Variants in SH3BP4 observed in about 807,000 individuals in gnomAD.
SH3BP4 encodes SH3 domain binding protein 4, also known as SH3 domain-binding protein 4.
In SH3BP4, 33 loss-of-function variants were observed where a neutral mutation model predicts 65.5. The ratio of observed to expected loss-of-function variants is 0.50; its 90% CI spans 0.38 to 0.67. SH3BP4 has a LOEUF of 0.67. Ranked by LOEUF, SH3BP4 falls within the 30% of genes least tolerant of loss-of-function variation. The probability of loss-of-function intolerance (pLI) is 0.00; values close to 1 mark genes in which losing one functional copy is unlikely to be tolerated. For missense variants in SH3BP4, 1,134 were observed against 1,261.4 expected, an observed-to-expected ratio of 0.90 and a Z score of 1.53; for synonymous variants, 552 against 545.5, an observed-to-expected ratio of 1.01 and a Z score of -0.17.
chr2:235,034,523 T>C lies in SH3BP4; in HGVS notation c.-132-348T>C, dbSNP rs3754864. Among the ~76,000 whole-genome samples, 51,549 of 152,130 alleles carry C rather than the reference T, an allele frequency of 0.34. 9,298 individuals carry two copies. The highest frequency in any genetic ancestry group is 0.48 in the Admixed American group (7,295 of 15,294). ...GAGCCCTGCAGCTAGCAGCATGAAC[T>C]GTACAGTCCTGCGCTGTCCTCCTCT... On this transcript the variant is annotated intron_variant, in intron 2 of 5. Transcript: ENST00000392011. This position sits in a 1 kb window ranked among gnomAD's most constrained non-coding sequence, Gnocchi z 6.2.
intron 1 of SH3BP4, among the ~76,000 whole-genome samples, chr2:234,973,746 C>T (rs1280726791): frequency 6.6e-6 from 1 of 151,946 alleles, no homozygotes; most frequent in Non-Finnish European, 1.5e-5. Flanking sequence ...AGGGATCCTC[C>T]TGCCTCAGCC....
At chr2:234,955,166 C>G (rs987624737) in intron 1 of SH3BP4, among the ~76,000 whole-genome samples, 1 of 152,128 alleles carries the variant, frequency 6.6e-6, no homozygotes, top group Non-Finnish European at 1.5e-5. Context: ...GCCTGACAAC[C>G]AGGAATCCGA....
chr2:235,031,775 G>A (rs531399566), intron 2 of SH3BP4, among the ~76,000 whole-genome samples: 25 of 152,338 alleles, frequency 1.6e-4, no homozygotes, highest in African/African-American at 5.5e-4. Flanking sequence ...CCACTAGGTG[G>A]CCAGTCGTGC....
rs1470715660 is a variant in SH3BP4, at chr2:235,041,372, C to A, written c.603C>A (p.Ser201=). The A allele has an allele frequency of 6.2e-7, 1 of 1,614,126 alleles. No homozygotes were observed. Residue 201 remains serine (S), a synonymous_variant, in exon 4 of 6, where the codon TCC becomes TCA. Transcript: ENST00000392011. The surrounding 1 kb of genome is among the most constrained non-coding windows in gnomAD (Gnocchi z 6.0). ...DLLLFDAGTS[S]FTESSSATTN... ...TCCTTTTTGACGCAGGTACATCCTC[C>A]TTCACCGAATCCAGCTCAGCCACCA...
intron 4 of SH3BP4, among the ~76,000 whole-genome samples, chr2:235,047,490 G>C (rs1574850618): frequency 6.6e-6 from 1 of 152,242 alleles, no homozygotes; most frequent in East Asian, 1.9e-4. Flanking sequence ...AGAGGCCTTT[G>C]AAAGGGAACC....
At chr2:235,051,790 AGCACC>A (rs1343540356) in intron 4 of SH3BP4, among the ~76,000 whole-genome samples, 2 of 152,188 alleles carry the variant, frequency 1.3e-5, no homozygotes, top group East Asian at 3.9e-4. Context: ...GGCCAATGTC[AGCACC>A]GCACACTCAG....
At chr2:234,980,226 C>G (rs1161777040) in intron 1 of SH3BP4, among the ~76,000 whole-genome samples, 1 of 152,134 alleles carries the variant, frequency 6.6e-6, no homozygotes, top group Non-Finnish European at 1.5e-5. Context: ...CAGATAGTAC[C>G]AAACCCTGTA....
At chr2:235,008,036 C>T (rs1297195766) in intron 2 of SH3BP4, among the ~76,000 whole-genome samples, 1 of 152,190 alleles carries the variant, frequency 6.6e-6, no homozygotes, top group African/African-American at 2.4e-5. Flanking sequence ...AGAGTCGCAG[C>T]TGGGTGGCTT....
intron 1 of SH3BP4, among the ~76,000 whole-genome samples, chr2:234,956,461 A>G (rs183874507): frequency 6.6e-6 from 1 of 152,310 alleles, no homozygotes; most frequent in East Asian, 1.9e-4. Context: ...CTGTTAGCCC[A>G]ACTCTTCTGT....
chr2:235,038,555 A>G (rs1027586663), intron 3 of SH3BP4, among the ~76,000 whole-genome samples: 1 of 150,726 alleles, frequency 6.6e-6, no homozygotes, highest in Non-Finnish European at 1.5e-5. Context: ...TCATAAGGAA[A>G]TGAAGACTTA....
chr2:235,011,085 T>C lies in SH3BP4; in HGVS notation c.-133+15709T>C, dbSNP rs534374045. ...CTCCTAGGAGAACCCTTCCTCCCTC[T>C]TCTAGAACCCTTCCTTACTCTCCTA... On this transcript the variant is annotated intron_variant, in intron 2 of 5. Coordinates refer to ENST00000392011, the MANE Select transcript of SH3BP4 (RefSeq NM_014521.3). Among the ~76,000 whole-genome samples, 334 of 150,232 alleles carry C rather than the reference T, an allele frequency of 2.2e-3. 3 individuals carry two copies. Among genetic ancestry groups the C allele is most frequent in the African/African-American group, 7.6e-3 (310 of 40,786 alleles).
chr2:235,032,050 C>T (rs1291249198), intron 2 of SH3BP4, among the ~76,000 whole-genome samples: 3 of 152,208 alleles, frequency 2.0e-5, no homozygotes, highest in Non-Finnish European at 2.9e-5. Flanking sequence ...CCGAGGTGGC[C>T]GAGGCAACCC....
intron 1 of SH3BP4, among the ~76,000 whole-genome samples, chr2:234,962,444 T>C (rs563312999): frequency 1.1e-4 from 17 of 152,196 alleles, no homozygotes; most frequent in African/African-American, 4.1e-4. Flanking sequence ...GGCCTCTTCT[T>C]TTCCAAAAAA....
rs529233451 is a variant in SH3BP4, at chr2:234,974,244, A to G, written c.-206-21059A>G. On this transcript the variant is annotated intron_variant, in intron 1 of 5. Transcript: ENST00000392011. The surrounding 1 kb of genome is among the most constrained non-coding windows in gnomAD (Gnocchi z 4.6). ...GCCGGGCATGGTGGCGCACACCTGT[A>G]ATCCCAACTACTCAGGAGGCTGAAG... Among the ~76,000 whole-genome samples, 3 of 152,262 alleles carry G rather than the reference A, an allele frequency of 2.0e-5. No homozygotes were observed. In the South Asian group the frequency reaches 6.2e-4, roughly 32 times the overall value.
chr2:235,012,012 A>G (rs1694524184), intron 2 of SH3BP4, among the ~76,000 whole-genome samples: 1 of 152,238 alleles, frequency 6.6e-6, no homozygotes, highest in Non-Finnish European at 1.5e-5. Flanking sequence ...AAGCTGTTAC[A>G]ATAAAGTGAT....
intron 1 of SH3BP4, among the ~76,000 whole-genome samples, chr2:234,970,044 T>C (rs375823950): frequency 0.056 from 7,966 of 143,388 alleles, 611 homozygotes; most frequent in African/African-American, 0.19. Context: ...CAAATACACT[T>C]ACTCACACAC....
rs565420285 is a variant in SH3BP4, at chr2:235,005,963, T to G, written c.-133+10587T>G. 2.6e-5 allele frequency among the ~76,000 whole-genome samples: 4 copies of G among 152,342 alleles called. No homozygotes were observed. The East Asian group carries it at 7.7e-4, about 29-fold the overall frequency. ...TTGCGTGCCCGCCTGTGTTCCTGGC[T>G]GTGGGAGGCGCCAGAGGGAGGTTTT... On this transcript the variant is annotated intron_variant, in intron 2 of 5. Coordinates refer to ENST00000392011, the MANE Select transcript of SH3BP4 (RefSeq NM_014521.3).
rs150378311 is a variant in SH3BP4, at chr2:235,033,209, C to T, written c.-132-1662C>T. Among the ~76,000 whole-genome samples the T allele has an allele frequency of 4.7e-4, 72 of 152,320 alleles. 1 individual carries two copies. The South Asian group carries it at 0.011, about 23-fold the overall frequency. On this transcript the variant is annotated intron_variant, in intron 2 of 5. Transcript: ENST00000392011. This position sits in a 1 kb window ranked among gnomAD's most constrained non-coding sequence, Gnocchi z 5.7. ...CCCAGCAAGGGAGGCTCATCTCTCA[C>T]GGTTCCAGAGGCCGGAAGTCAAAAG...
rs1692878017 is a variant in SH3BP4, at chr2:234,967,790, T to C, written c.-207+15620T>C. Reference sequence around the variant, plus strand: ...AGGGGCAGCCACAGTGGACCCTTGGTGGAGAGGATCAGAGCCAGGATCCCT... The same window carrying C: ...AGGGGCAGCCACAGTGGACCCTTGGCGGAGAGGATCAGAGCCAGGATCCCT... On this transcript the variant is annotated intron_variant, in intron 1 of 5. Coordinates refer to ENST00000392011, the MANE Select transcript of SH3BP4 (RefSeq NM_014521.3). This position sits in a 1 kb window ranked among gnomAD's most constrained non-coding sequence, Gnocchi z 4.6. Among the ~76,000 whole-genome samples the C allele has an allele frequency of 6.6e-6, 1 of 151,984 alleles. No individual in the cohort carries two copies. The highest frequency in any genetic ancestry group is 6.6e-5 in the Admixed American group (1 of 15,260).
Sources: allele counts gnomAD v4.1 joint callset (sites outside exome capture counted in the v4.1 genomes callset), GRCh38; gene constraint gnomAD v4.1.1; non-coding constraint Gnocchi (gnomAD v3.1); transcripts MANE v1.5; gene names NCBI Gene and HGNC (gene_info 2026-07-23, HGNC 2026-07-21).